The following LHFPL2 variants were observed in gnomAD, a reference collection of about 807,000 sequenced individuals.
LHFPL2 encodes LHFPL tetraspan subfamily member 2 protein.
A neutral mutation model predicts 17.5 loss-of-function variants in LHFPL2; 7 were observed. The observed-to-expected ratio is 0.40, with a 90% CI of 0.23 to 0.75. LHFPL2 has a LOEUF of 0.75. Among genes scored for constraint, LHFPL2 ranks in the 30% least tolerant of loss-of-function variants. The pLI is 0.37. For missense variants in LHFPL2, 241 were observed against 294.8 expected (o/e 0.82, Z 1.34); for synonymous variants, 134 against 116.2 (o/e 1.15, Z -0.99).
intron 4 of LHFPL2, among the ~76,000 whole-genome samples, chr5:78,498,252 A>G (rs1013252543): frequency 6.6e-6 from 1 of 152,204 alleles, no homozygotes; most frequent in African/African-American, 2.4e-5. Flanking sequence ...AGCATCGCAG[A>G]TCAACCTCTC....
At chr5:78,493,529 T>A (rs1173235012) in intron 4 of LHFPL2, among the ~76,000 whole-genome samples, 1 of 152,262 alleles carries the variant, frequency 6.6e-6, no homozygotes, top group African/African-American at 2.4e-5. Context: ...ACTGCTCTAA[T>A]GCCTGTGCTT....
chr5:78,504,619 A>T (rs921244103), intron 4 of LHFPL2, among the ~76,000 whole-genome samples: 1 of 152,198 alleles, frequency 6.6e-6, no homozygotes, highest in South Asian at 2.1e-4. Context: ...TTATGACAAA[A>T]GCAATTATAT....
rs1005154035 is a variant in LHFPL2 at position 78,509,647 on chromosome 5, G to T, written c.430+137C>A. On this transcript the variant is annotated intron_variant, in intron 4 of 4. Transcript: ENST00000380345. ...CACACAAACGTCGCCTAGAACGGAA[G>T]GGGCAAAGGAAACCTGAATAGACAG... 5 of 845,888 alleles carry T rather than the reference G, an allele frequency of 5.9e-6. No homozygotes were observed. In the East Asian group the frequency reaches 9.8e-5, roughly 16 times the overall value. The allele number at this position is 845,888 out of a possible 1,614,324, so 52.4% of individuals were successfully genotyped here.
At chr5:78,644,292 TCC>T in intron 1 of LHFPL2, 1 of 1,030,994 alleles carries the variant, frequency 9.7e-7, no homozygotes. Context: ...TTCATCTTCC[TCC>T]TCTTCCTTCT....
chr5:78,616,082 C>T (rs1580860603), intron 2 of LHFPL2, among the ~76,000 whole-genome samples: 1 of 151,976 alleles, frequency 6.6e-6, no homozygotes, highest in Non-Finnish European at 1.5e-5. Flanking sequence ...CCTCCCATTC[C>T]CTTGGCAATC....
chr5:78,499,031 T>G (rs931750584), intron 4 of LHFPL2, among the ~76,000 whole-genome samples: 1 of 152,210 alleles, frequency 6.6e-6, no homozygotes, highest in Non-Finnish European at 1.5e-5. Context: ...TCTTATGCAG[T>G]CCTCTACACA....
At chr5:78,635,067 G>A (rs114944445) in intron 1 of LHFPL2, among the ~76,000 whole-genome samples, 1 of 152,178 alleles carries the variant, frequency 6.6e-6, no homozygotes, top group Non-Finnish European at 1.5e-5. Flanking sequence ...CCTCGGGAGT[G>A]CTTCTGTGTA....
chr5:78,552,591 C>G lies in LHFPL2; in HGVS notation c.-186+12222G>C, dbSNP rs559083474. Reference sequence around the variant, plus strand: ...TTCTCAATCCATGTACTGAAGGATTCTAAGAGCAGGTATGCTCCTCTGGCA... The same window carrying G: ...TTCTCAATCCATGTACTGAAGGATTGTAAGAGCAGGTATGCTCCTCTGGCA... On this transcript the variant is annotated intron_variant, in intron 3 of 4. Transcript: ENST00000380345. Among the ~76,000 whole-genome samples the G allele has an allele frequency of 8.5e-5, 13 of 152,314 alleles. 1 individual carries two copies. The South Asian group carries it at 2.7e-3, about 32-fold the overall frequency.
At chr5:78,533,802 T>C (rs568316853) in intron 3 of LHFPL2, among the ~76,000 whole-genome samples, 12 of 152,340 alleles carry the variant, frequency 7.9e-5, no homozygotes, top group Non-Finnish European at 1.5e-4. Context: ...AGCTGTTTTA[T>C]TGAATTTTTT....
intron 2 of LHFPL2, among the ~76,000 whole-genome samples, chr5:78,612,977 G>A (rs1286114198): frequency 6.6e-6 from 1 of 152,222 alleles, no homozygotes; most frequent in Admixed American, 6.5e-5. Flanking sequence ...TGCATAGCTG[G>A]TGATCTTGAA....
At chr5:78,557,861 G>T (rs1298866691) in intron 3 of LHFPL2, among the ~76,000 whole-genome samples, 5 of 152,182 alleles carry the variant, frequency 3.3e-5, no homozygotes, top group Admixed American at 6.5e-5. Context: ...TGTGGCTCTG[G>T]GGATGCCAGT....
intron 3 of LHFPL2, among the ~76,000 whole-genome samples, chr5:78,540,753 C>G (rs1756086329): frequency 6.6e-6 from 1 of 152,232 alleles, no homozygotes; most frequent in African/African-American, 2.4e-5. Flanking sequence ...AACAGCTCCT[C>G]CTCCTTGGGG....
chr5:78,615,342 G>GA (rs924259572), intron 2 of LHFPL2, among the ~76,000 whole-genome samples: 24 of 151,936 alleles, frequency 1.6e-4, no homozygotes, highest in African/African-American at 5.8e-4. Flanking sequence ...AAAGGAAGAT[G>GA]AAAAAAAGGA....
In LHFPL2 at chr5:78,547,371, C is replaced by T. The variant is rs543779789; in HGVS notation, c.-186+17442G>A. Among the ~76,000 whole-genome samples the T allele has an allele frequency of 3.9e-5, 6 of 152,286 alleles. No homozygotes were observed. In the South Asian group the frequency reaches 1.2e-3, roughly 32 times the overall value. ...TTACTGACTACACATTGAGTTACAT[C>T]AACTCCCCAAAAGCAATGTCCTAGG... On this transcript the variant is annotated intron_variant, in intron 3 of 4. Transcript: ENST00000380345.
intron 1 of LHFPL2, among the ~76,000 whole-genome samples, chr5:78,643,176 T>TCAG (rs1307955816): frequency 1.3e-5 from 2 of 152,216 alleles, no homozygotes; most frequent in Non-Finnish European, 2.9e-5. Flanking sequence ...ACAACTACTG[T>TCAG]CAGCGCCCTG....
At chr5:78,489,883 C>T (rs1580737213) in intron 4 of LHFPL2, among the ~76,000 whole-genome samples, 1 of 142,058 alleles carries the variant, frequency 7.0e-6, no homozygotes, top group South Asian at 2.5e-4. Context: ...AAAATGTTTA[C>T]TGTCTGGCTT....
chr5:78,541,510 C>G (rs116267905), intron 3 of LHFPL2, among the ~76,000 whole-genome samples: 4 of 152,302 alleles, frequency 2.6e-5, no homozygotes, highest in Non-Finnish European at 2.9e-5. Context: ...GTGTGGAAAA[C>G]GCAAAGTCAG....
chr5:78,506,951 GAT>G (rs36037001), intron 4 of LHFPL2, among the ~76,000 whole-genome samples: 37,221 of 151,988 alleles, frequency 0.24, 4,867 homozygotes, highest in East Asian at 0.46. Context: ...AGAGGCAGAA[GAT>G]CAGCACCAGC....
chr5:78,566,973 AG>A (rs1429248544), intron 2 of LHFPL2, among the ~76,000 whole-genome samples: 3 of 152,204 alleles, frequency 2.0e-5, no homozygotes, highest in Non-Finnish European at 4.4e-5. Flanking sequence ...AAGCTAAATG[AG>A]TCACAACAAA....
Sources: gnomAD v4.1 joint callset for allele counts (sites outside exome capture counted in the v4.1 genomes callset) on GRCh38, gnomAD v4.1.1 for gene constraint, MANE v1.5 for transcripts, NCBI Gene and HGNC (gene_info 2026-07-23, HGNC 2026-07-21) for gene names.